SUPT20H: variants seen among roughly 807,000 people sequenced by gnomAD.
SUPT20H encodes the protein transcription factor SPT20 homolog.
A neutral mutation model predicts 122.8 loss-of-function variants in SUPT20H; 82 were observed. The observed-to-expected ratio is 0.67, with a 90% CI of 0.56 to 0.80. The LOEUF (loss-of-function observed/expected upper bound fraction) is 0.80. Ranked by LOEUF, SUPT20H falls within the 30% of genes least tolerant of loss-of-function variation. The probability of loss-of-function intolerance (pLI) is 0.00; values close to 1 mark genes in which losing one functional copy is unlikely to be tolerated. For missense variants in SUPT20H, 831 were observed against 921.6 expected (o/e 0.90, Z 1.27); for synonymous variants, 291 against 313.0 (o/e 0.93, Z 0.74).
At chr13:37,017,563 G>C (rs2060727724) in intron 22 of SUPT20H, among the ~76,000 whole-genome samples, 199 bp from the exon 23 acceptor site, 1 of 151,892 alleles carries the variant, frequency 6.6e-6, no homozygotes, top group South Asian at 2.1e-4. Flanking sequence ...TATTACTTTG[G>C]GCTCCCAAGT....
At chr13:37,056,110 A>C (rs1351504380) in intron 1 of SUPT20H, among the ~76,000 whole-genome samples, 1 of 152,172 alleles carries the variant, frequency 6.6e-6, no homozygotes, top group Non-Finnish European at 1.5e-5. Context: ...AAAAGTCAGG[A>C]AACAACAGGT....
At chr13:37,016,753 G>A (rs975515921) in intron 23 of SUPT20H, among the ~76,000 whole-genome samples, 1 of 152,106 alleles carries the variant, frequency 6.6e-6, no homozygotes. Context: ...CCAAAGTTTA[G>A]AAACACTTGT....
chr13:37,030,056 ATAAG>A (rs200988433), intron 12 of SUPT20H, among the ~76,000 whole-genome samples: 78 of 152,332 alleles, frequency 5.1e-4, no homozygotes, highest in Non-Finnish European at 9.3e-4. Context: ...AACCAAATAA[ATAAG>A]TGTTAATAAA....
chr13:37,042,974 G>A lies in SUPT20H; in HGVS notation c.396+1104C>T, dbSNP rs1365475143. Among the ~76,000 whole-genome samples, 3 of 152,132 alleles carry A rather than the reference G, an allele frequency of 2.0e-5. No individual in the cohort carries two copies. In the East Asian group the frequency reaches 5.8e-4, roughly 29 times the overall value. ...AGCCCTAATCAAAAAACCTGAAATC[G>A]GAAATGTTCCAATTAGCATTTCTTT... On this transcript the variant is annotated intron_variant, in intron 7 of 25. Coordinates refer to ENST00000350612, the MANE Select transcript of SUPT20H (RefSeq NM_001014286.3).
chr13:37,028,378 A>C, intron 13 of SUPT20H, 73 bp from the exon 14 acceptor site: 1 of 1,360,524 alleles, frequency 7.4e-7, no homozygotes, highest in East Asian at 2.4e-5. Context: ...AAAAATCAGG[A>C]ATAAATGATA....
At chr13:37,010,497 A>G in intron 25 of SUPT20H, 55 bp downstream of exon 25, 3 of 1,461,062 alleles carry the variant, frequency 2.1e-6, no homozygotes, top group East Asian at 2.3e-5. Context: ...ATTTTGAGGT[A>G]CTTTTGGAGC....
rs748406245 is a variant in SUPT20H at position 37,011,684 on chromosome 13, CT to C, written c.2098+507del. On this transcript the variant is annotated intron_variant, in intron 24 of 25. Coordinates refer to ENST00000350612, the MANE Select transcript of SUPT20H (RefSeq NM_001014286.3). ...TGACAGGATAATCATTAAGAGTAAT[CT>C]TTAGTTCACCATTTACTGCTGGAAG... 4.6e-5 allele frequency among the ~76,000 whole-genome samples: 7 copies of C among 152,000 alleles called. No homozygotes were observed. The East Asian group carries it at 1.2e-3, about 25-fold the overall frequency.
At chr13:37,058,431 C>A (rs982580702) in intron 1 of SUPT20H, among the ~76,000 whole-genome samples, 1 of 152,136 alleles carries the variant, frequency 6.6e-6, no homozygotes, top group African/African-American at 2.4e-5. Context: ...TTTCTGACCA[C>A]TGAATTTGAA....
chr13:37,023,136 T>C (rs574786417), intron 19 of SUPT20H: 1 of 1,102,200 alleles, frequency 9.1e-7, no homozygotes, highest in East Asian at 6.0e-5. Flanking sequence ...ATTACCATAA[T>C]CCATACCCAC....
chr13:37,040,394 A>G lies in SUPT20H; in HGVS notation c.567+11T>C, dbSNP rs1358439605. ...TTTGCCTGTTTGAGATTAAAAAACA[A>G]AACAACTAACCTGGGTCCATTTGTG... On this transcript the variant is annotated intron_variant, in intron 9 of 25. Transcript: ENST00000350612. The G allele has an allele frequency of 6.5e-7, 1 of 1,550,188 alleles. No individual in the cohort carries two copies. Among genetic ancestry groups the G allele is most frequent in the Non-Finnish European group, 8.6e-7 (1 of 1,157,968 alleles).
intron 1 of SUPT20H, among the ~76,000 whole-genome samples, chr13:37,053,474 G>C (rs2068197160): frequency 1.3e-5 from 2 of 151,744 alleles, no homozygotes; most frequent in African/African-American, 4.8e-5. Flanking sequence ...GCTGAACAGT[G>C]AGACCACATG....
intron 14 of SUPT20H, 58 bp from the exon 15 acceptor site, chr13:37,026,874 A>C: frequency 9.0e-7 from 1 of 1,110,634 alleles, no homozygotes; most frequent in Non-Finnish European, 1.2e-6. Context: ...TTAACTTCAT[A>C]GTTTATTAAA....
chr13:37,044,743 T>C (rs1173819153), intron 6 of SUPT20H, among the ~76,000 whole-genome samples: 1 of 152,210 alleles, frequency 6.6e-6, no homozygotes, highest in African/African-American at 2.4e-5. Flanking sequence ...GAAATGTTCA[T>C]ATTCAGTATT....
intron 1 of SUPT20H, among the ~76,000 whole-genome samples, chr13:37,052,794 G>A (rs1806101072): frequency 6.6e-6 from 1 of 152,066 alleles, no homozygotes; most frequent in South Asian, 2.1e-4. Flanking sequence ...TCTGACAAAG[G>A]TCTAATACCC....
At chr13:37,016,129 A>C (rs984671316) in intron 23 of SUPT20H, among the ~76,000 whole-genome samples, 1 of 152,118 alleles carries the variant, frequency 6.6e-6, no homozygotes, top group Admixed American at 6.5e-5. Context: ...CACACTTAAG[A>C]AGTTAAAATG....
intron 1 of SUPT20H, among the ~76,000 whole-genome samples, chr13:37,053,846 A>G (rs2068302606): frequency 6.6e-6 from 1 of 152,210 alleles, no homozygotes; most frequent in Non-Finnish European, 1.5e-5. Flanking sequence ...TTTTTGAAAG[A>G]TCAACAAAAT....
At position 37,040,361 on chromosome 13, in the gene SUPT20H, T is replaced by A. The variant is rs754442379; in HGVS notation, c.567+44A>T. ...TTTGCTTAATGATAATTTTTTTTCA[T>A]CCTATATTTTGCCTGTTTGAGATTA... On this transcript the variant is annotated intron_variant, in intron 9 of 25. Coordinates refer to ENST00000350612, the MANE Select transcript of SUPT20H (RefSeq NM_001014286.3). 3.5e-5 allele frequency: 52 copies of A among 1,491,054 alleles called. No individual in the cohort carries two copies. In the East Asian group the frequency reaches 1.2e-3, roughly 33 times the overall value. 92.4% of individuals were successfully genotyped at this position (1,491,054 alleles called of 1,614,324 possible). A position where few individuals can be genotyped will look rare whatever the true frequency, so the allele number is the denominator to read the frequency against.
rs530162287 is a variant in SUPT20H, at chr13:37,047,576, C to G, written c.124G>C (p.Asp42His). The G allele has an allele frequency of 7.0e-7, 1 of 1,423,792 alleles. No individual in the cohort carries two copies. Among genetic ancestry groups the G allele is most frequent in the Non-Finnish European group, 9.4e-7 (1 of 1,067,000 alleles). 88.2% of individuals were successfully genotyped at this position (1,423,792 alleles called of 1,614,324 possible). A position where few individuals can be genotyped will look rare whatever the true frequency, so the allele number is the denominator to read the frequency against. Residue 42 changes from aspartate (D) to histidine (H), a missense_variant, in exon 5 of 26, where the codon GAC becomes CAC. By Grantham distance (81) the Asp-to-His change is moderately conservative (BLOSUM62 -1). Coordinates refer to ENST00000350612, the MANE Select transcript of SUPT20H (RefSeq NM_001014286.3). ...GRKSVFQKLYDLYIEECEKEP... is the reference protein window; with the variant it reads ...GRKSVFQKLYHLYIEECEKEP... ...TTTTCACATTCTTCAATATACAAGT[C>G]ATAAAGTTTTTGAAATACAGATTTT...
chr13:37,022,306 G>A lies in SUPT20H; in HGVS notation c.1592-226C>T. 2.2e-6 allele frequency: 3 copies of A among 1,370,528 alleles called. No individual in the cohort carries two copies. The highest frequency in any genetic ancestry group is 2.8e-6 in the Non-Finnish European group (3 of 1,058,114). 84.9% of individuals were successfully genotyped at this position (1,370,528 alleles called of 1,614,324 possible). ...GTTGGTGTAGGAGTAGATGGCTTAG[G>A]AGTTCCAGATCCTGCTCATTGAGAA... On this transcript the variant is annotated intron_variant, in intron 19 of 25. Transcript: ENST00000350612. This position sits in a 1 kb window ranked among gnomAD's most constrained non-coding sequence, Gnocchi z 4.5.
Sources: allele counts gnomAD v4.1 joint callset (sites outside exome capture counted in the v4.1 genomes callset), GRCh38; gene constraint gnomAD v4.1.1; non-coding constraint Gnocchi (gnomAD v3.1); transcripts MANE v1.5; gene names NCBI Gene and HGNC (gene_info 2026-07-23, HGNC 2026-07-21).